PCDH9: variants seen among roughly 807,000 people sequenced by gnomAD.
The protein encoded by PCDH9 is protocadherin-9.
PCDH9 carries 24 observed loss-of-function variants against 70.6 expected under a neutral mutation model. That is an observed-to-expected ratio of 0.34 (90% CI 0.25 to 0.48). The LOEUF (loss-of-function observed/expected upper bound fraction) is 0.48, where lower values mean the gene tolerates loss of function less well. PCDH9 is among the 20% of genes least tolerant of loss of function. The pLI, the probability that PCDH9 is intolerant of heterozygous loss-of-function variation, is 0.99. For synonymous variants in PCDH9, 562 were observed against 558.5 expected (o/e 1.01, Z -0.09); for missense variants, 1,281 against 1,503.6 (o/e 0.85, Z 2.45).
At chr13:67,180,997 G>T (rs2088600358) in intron 2 of PCDH9, among the ~76,000 whole-genome samples, 1 of 152,128 alleles carries the variant, frequency 6.6e-6, no homozygotes, top group Non-Finnish European at 1.5e-5. Context: ...TGTGTCAAGA[G>T]GCTAATATAA....
At chr13:66,436,050 A>G (rs1311999955) in intron 4 of PCDH9, among the ~76,000 whole-genome samples, 1 of 152,156 alleles carries the variant, frequency 6.6e-6, no homozygotes, top group African/African-American at 2.4e-5. Context: ...TAATCATAAT[A>G]AATCTCAATT....
intron 4 of PCDH9, among the ~76,000 whole-genome samples, chr13:66,436,509 T>A (rs1403891198): frequency 6.6e-6 from 1 of 152,170 alleles, no homozygotes; most frequent in Admixed American, 6.6e-5. Context: ...AAGGTTTTAA[T>A]CTATTTTTAG....
At chr13:66,810,730 A>G (rs574035287) in intron 3 of PCDH9, among the ~76,000 whole-genome samples, 1 of 152,032 alleles carries the variant, frequency 6.6e-6, no homozygotes, top group South Asian at 2.1e-4. Flanking sequence ...AAAGAATCTT[A>G]TAACTACTAG....
chr13:67,154,394 A>G (rs2087743377), intron 2 of PCDH9, among the ~76,000 whole-genome samples: 1 of 152,026 alleles, frequency 6.6e-6, no homozygotes, highest in African/African-American at 2.4e-5. Flanking sequence ...CCTGGGCAAC[A>G]TGGCAAAACC....
chr13:66,526,527 C>CTG (rs1555303019), intron 4 of PCDH9, among the ~76,000 whole-genome samples: 3 of 151,268 alleles, frequency 2.0e-5, no homozygotes, highest in African/African-American at 7.3e-5. Context: ...CTCTCTCTCT[C>CTG]TCTCTGTCTC....
chr13:66,404,466 G>A (rs1231479442), intron 4 of PCDH9, among the ~76,000 whole-genome samples: 1 of 152,044 alleles, frequency 6.6e-6, no homozygotes, highest in Non-Finnish European at 1.5e-5. Context: ...TGTAAAGCTG[G>A]TAATGAAAAA....
At chr13:66,712,766 A>G (rs987820961) in intron 3 of PCDH9, among the ~76,000 whole-genome samples, 2 of 152,142 alleles carry the variant, frequency 1.3e-5, no homozygotes, top group African/African-American at 4.8e-5. Context: ...TTTCTAGTAC[A>G]TTATAACAAT....
intron 2 of PCDH9, among the ~76,000 whole-genome samples, chr13:67,160,745 A>T (rs1219867578): frequency 1.3e-5 from 2 of 152,152 alleles, no homozygotes; most frequent in Non-Finnish European, 1.5e-5. Flanking sequence ...CATCCCTCTT[A>T]AGAAAAGTTA....
chr13:66,682,289 C>T (rs900305242), intron 3 of PCDH9, among the ~76,000 whole-genome samples: 1 of 151,976 alleles, frequency 6.6e-6, no homozygotes, highest in African/African-American at 2.4e-5. Context: ...TTTTGTGTCA[C>T]TTCAGGCAAT....
intron 2 of PCDH9, among the ~76,000 whole-genome samples, chr13:66,937,897 G>T (rs915351507): frequency 6.6e-6 from 1 of 151,894 alleles, no homozygotes; most frequent in Non-Finnish European, 1.5e-5. Context: ...GTCATTCTGG[G>T]GGTTGCCCAA....
intron 3 of PCDH9, among the ~76,000 whole-genome samples, chr13:66,762,812 A>G: frequency 6.6e-6 from 1 of 152,048 alleles, no homozygotes; most frequent in East Asian, 1.9e-4. Flanking sequence ...CAGGTTATTG[A>G]GTCAGCTGAT....
intron 3 of PCDH9, among the ~76,000 whole-genome samples, chr13:66,671,907 C>A (rs2078180285): frequency 6.6e-6 from 1 of 152,192 alleles, no homozygotes; most frequent in South Asian, 2.1e-4. Context: ...GAAATTCAAG[C>A]TGGCTGCAGA....
At chr13:66,965,171 C>A (rs902568902) in intron 2 of PCDH9, among the ~76,000 whole-genome samples, 1 of 152,024 alleles carries the variant, frequency 6.6e-6, no homozygotes, top group African/African-American at 2.4e-5. Context: ...ATTGGACAGT[C>A]TTAATTCTAA....
intron 4 of PCDH9, among the ~76,000 whole-genome samples, chr13:66,387,057 C>T (rs1414772911): frequency 6.6e-6 from 1 of 152,182 alleles, no homozygotes; most frequent in African/African-American, 2.4e-5. Context: ...TACTCTTCTA[C>T]ACTCTAAGGA....
intron 2 of PCDH9, among the ~76,000 whole-genome samples, chr13:67,190,210 C>A (rs1003160068): frequency 2.0e-5 from 3 of 152,058 alleles, no homozygotes; most frequent in East Asian, 3.9e-4. Context: ...GCCACTAGCC[C>A]TTTGATACCC....
intron 3 of PCDH9, among the ~76,000 whole-genome samples, chr13:66,678,750 G>T (rs2078277533): frequency 6.6e-6 from 1 of 151,120 alleles, no homozygotes; most frequent in South Asian, 2.1e-4. Flanking sequence ...AGAAATTGTA[G>T]AAAAATAAAA....
chr13:67,153,071 T>C (rs1030211090), intron 2 of PCDH9, among the ~76,000 whole-genome samples: 6 of 151,954 alleles, frequency 3.9e-5, no homozygotes, highest in African/African-American at 1.2e-4. Flanking sequence ...CTCTCCCTCT[T>C]TCCTGCTTGC....
At chr13:66,333,578 C>A (rs916705200) in intron 4 of PCDH9, among the ~76,000 whole-genome samples, 1 of 152,112 alleles carries the variant, frequency 6.6e-6, no homozygotes, top group Non-Finnish European at 1.5e-5. Flanking sequence ...CTTTATTTTT[C>A]ATTTTGTTTC....
intron 2 of PCDH9, among the ~76,000 whole-genome samples, chr13:67,054,928 G>T (rs1018831313): frequency 3.9e-5 from 6 of 152,068 alleles, no homozygotes; most frequent in Non-Finnish European, 7.4e-5. Flanking sequence ...ATGTTGGGCT[G>T]GGCAAATATA....
Sources: allele counts gnomAD v4.1 joint callset (sites outside exome capture counted in the v4.1 genomes callset), GRCh38; gene constraint gnomAD v4.1.1; transcripts MANE v1.5; gene names NCBI Gene and HGNC (gene_info 2026-07-23, HGNC 2026-07-21).